The following BCAT2 variants were observed in gnomAD, a reference collection of about 807,000 sequenced individuals.
BCAT2 encodes branched-chain-amino-acid aminotransferase, mitochondrial.
Under a neutral mutation model 52.9 loss-of-function variants are expected in BCAT2, and 44 were observed. The ratio of observed to expected loss-of-function variants is 0.83; its 90% confidence interval spans 0.65 to 1.07. The LOEUF (loss-of-function observed/expected upper bound fraction) is 1.07, where lower values mean the gene tolerates loss of function less well. Ranked by LOEUF, BCAT2 falls within the 50% of genes least tolerant of loss-of-function variation. BCAT2 has a pLI of 0.00. For missense variants in BCAT2, 478 were observed against 521.8 expected, an observed-to-expected ratio of 0.92 and a Z score of 0.82; for synonymous variants, 215 against 217.1, an observed-to-expected ratio of 0.99 and a Z score of 0.08.
chr19:48,805,157 A>C (rs1179177230), intron 3 of BCAT2, among the ~76,000 whole-genome samples: 1 of 152,138 alleles, frequency 6.6e-6, no homozygotes, highest in Non-Finnish European at 1.5e-5. Context: ...ATCTTGTCTC[A>C]ACCAAAGTTT....
chr19:48,797,039 G>A lies in BCAT2; in HGVS notation c.839-17C>T, dbSNP rs778615400. 2.5e-6 allele frequency: 4 copies of A among 1,613,790 alleles called. No homozygotes were observed. Among genetic ancestry groups the A allele is most frequent in the African/African-American group, 2.7e-5 (2 of 74,920 alleles). ...GCTCCAGCACTAGGGCAGGTGTAAG[G>A]GGTGGAAGATGTTACCTCTCACCCC... On this transcript the variant is annotated splice_polypyrimidine_tract_variant and intron_variant, in intron 7 of 10. Coordinates refer to ENST00000316273, the MANE Select transcript of BCAT2 (RefSeq NM_001190.4).
At chr19:48,802,522 A>G (rs1391815600) in intron 3 of BCAT2, among the ~76,000 whole-genome samples, 1 of 132,866 alleles carries the variant, frequency 7.5e-6, no homozygotes, top group Non-Finnish European at 1.5e-5. Context: ...ATCTCGGCTC[A>G]CTGCAACCTC....
rs1568507620 is a variant in BCAT2, at chr19:48,800,170, G to A, written c.411+17C>T. ...CCCCAGCCCTCCTCCCCACCCCGGT[G>A]GACCGGGACCCCTCACCGGCAGGCA... On this transcript the variant is annotated intron_variant, in intron 4 of 10. Transcript: ENST00000316273. 4 of 1,612,882 alleles carry A rather than the reference G, an allele frequency of 2.5e-6. No homozygotes were observed. Among genetic ancestry groups the A allele is most frequent in the Middle Eastern group, 1.7e-4 (1 of 6,056 alleles).
intron 2 of BCAT2, 46 bp from the exon 3 acceptor site, chr19:48,806,763 G>C (rs775850584): frequency 1.3e-6 from 2 of 1,599,514 alleles, no homozygotes. Flanking sequence ...CAACCTCCCA[G>C]CTGAAAAACT....
chr19:48,807,050 CA>C lies in BCAT2; in HGVS notation c.48del (p.Val17SerfsTer25), dbSNP rs1568511252. ...CTGGGACCACACAGAAGCCAAGGGA[CA>C]GAGAGAAGCTTTCGTGCCCAGATCT... Reference protein sequence around the residue: ...LGQIWARKLLSVPWLLCGPRR... With the variant: ...LGQIWARKLLXVPWLLCGPRR... On this transcript the variant is annotated frameshift_variant, in exon 2 of 11. Transcript: ENST00000316273. LOFTEE classifies it high-confidence loss of function. This position sits in a 1 kb window ranked among gnomAD's most constrained non-coding sequence, Gnocchi z 4.6. 2 of 1,613,920 alleles carry C rather than the reference CA, an allele frequency of 1.2e-6. No individual in the cohort carries two copies. The highest frequency in any genetic ancestry group is 1.7e-6 in the Non-Finnish European group (2 of 1,179,926).
At chr19:48,803,860 G>C (rs1177032784) in intron 3 of BCAT2, among the ~76,000 whole-genome samples, 1 of 151,744 alleles carries the variant, frequency 6.6e-6, no homozygotes, top group Non-Finnish European at 1.5e-5. Flanking sequence ...CTGAATTATG[G>C]GCTTTAAAAT....
Position 48,807,305 on chromosome 19 carries a change from G to A in BCAT2, c.25-231C>T, listed in dbSNP as rs576088373. The A allele has an allele frequency of 1.3e-5, 6 of 474,624 alleles. No homozygotes were observed. The highest frequency in any genetic ancestry group is 5.9e-4 in the Middle Eastern group (1 of 1,694). The allele number at this position is 474,624 out of a possible 1,614,324, so 29.4% of individuals were successfully genotyped here. On this transcript the variant is annotated intron_variant, in intron 1 of 10. Transcript: ENST00000316273. This position sits in a 1 kb window ranked among gnomAD's most constrained non-coding sequence, Gnocchi z 4.6. ...GCTCCCGCCCCCTCCTCCATGCTGC[G>A]GCAAAGTCAAACGCAAGCGCCTCCC...
In BCAT2 at chr19:48,799,349, A is replaced by G; in HGVS notation, c.695+326T>C. On this transcript the variant is annotated intron_variant, in intron 6 of 10. Coordinates refer to ENST00000316273, the MANE Select transcript of BCAT2 (RefSeq NM_001190.4). The surrounding 1 kb of genome is among the most constrained non-coding windows in gnomAD (Gnocchi z 5.5). ...GCAGCCCAGCCTGGGGGATCAGGGGAGGCTTCTGGGGCGAGAAGCCAATGA... is the reference window on the plus strand; with the variant it reads ...GCAGCCCAGCCTGGGGGATCAGGGGGGGCTTCTGGGGCGAGAAGCCAATGA... 1 of 251,958 alleles carries G rather than the reference A, an allele frequency of 4.0e-6. No individual in the cohort carries two copies. The highest frequency in any genetic ancestry group is 7.5e-6 in the Non-Finnish European group (1 of 133,214). The allele number at this position is 251,958 out of a possible 1,614,324, so 15.6% of individuals were successfully genotyped here. A position where few individuals can be genotyped will look rare whatever the true frequency, so the allele number is the denominator to read the frequency against.
intron 1 of BCAT2, among the ~76,000 whole-genome samples, chr19:48,809,066 CAAAAAAAAAAAAA>C (rs3057799): frequency 5.7e-3 from 165 of 28,962 alleles, no homozygotes; most frequent in African/African-American, 0.01. Flanking sequence ...GAGTGTCTCT[CAAAAAAAAAAAAA>C]AAAAAAAAAA....
chr19:48,805,085 C>T (rs2034737902), intron 3 of BCAT2, among the ~76,000 whole-genome samples: 1 of 152,128 alleles, frequency 6.6e-6, no homozygotes, highest in Admixed American at 6.5e-5. Context: ...GAACTGTGCC[C>T]TGGAGGACTA....
In BCAT2 at chr19:48,799,707, C is replaced by A; in HGVS notation, c.663G>T (p.Trp221Cys). The stretch of plus-strand genomic sequence containing the variant: ...ACTTGTAGTTGCCGACCCCGCCCAC[C>A]CAGGCCCGGATGAAGGCTGGGTCGG... The part of the protein sequence containing the change: ...LLADPAFIRA[W>C]VGGVGNYKLG... Residue 221 changes from tryptophan (W) to cysteine (C), a missense_variant, in exon 6 of 11, where the codon TGG becomes TGT. Physicochemically the swap from Trp to Cys is radical, Grantham distance 215. Coordinates refer to ENST00000316273, the MANE Select transcript of BCAT2 (RefSeq NM_001190.4). The surrounding 1 kb of genome is among the most constrained non-coding windows in gnomAD (Gnocchi z 5.5). 4 of 1,596,534 alleles carry A rather than the reference C, an allele frequency of 2.5e-6. No homozygotes were observed. The highest frequency in any genetic ancestry group is 1.7e-4 in the Middle Eastern group (1 of 5,900).
chr19:48,810,987 C>A lies in BCAT2; in HGVS notation c.21G>T (p.Gly7=). Residue 7 remains glycine, a synonymous_variant, in exon 1 of 11, where the codon GGG becomes GGT. Transcript: ENST00000316273. MAAAAL[G]QIWARKLLSV... ...CGGCGCGGGGCTGCGAACCCACCTG[C>A]CCCAGAGCGGCTGCGGCCATGATCC... The A allele has an allele frequency of 6.2e-7, 1 of 1,608,454 alleles. No individual in the cohort carries two copies. The highest frequency in any genetic ancestry group is 2.2e-5 in the East Asian group (1 of 44,582).
intron 2 of BCAT2, 119 bp downstream of exon 2, chr19:48,806,881 G>T: frequency 7.1e-7 from 1 of 1,411,372 alleles, no homozygotes; most frequent in Non-Finnish European, 9.9e-7. Context: ...CCCAATGGCA[G>T]GCTGTTAAGC....
Position 48,800,294 on chromosome 19 carries a change from A to T in BCAT2, c.304T>A (p.Phe102Ile). ...SSSLHYSLQL[F>I]EGMKAFKGKD... Reference sequence around the variant, plus strand: ...CCTTTGAACGCCTTCATGCCCTCAAACAGCTGCGGGGACACGCGGGTGGGG... The same window carrying T: ...CCTTTGAACGCCTTCATGCCCTCAATCAGCTGCGGGGACACGCGGGTGGGG... Residue 102 changes from phenylalanine to isoleucine, a missense_variant, in exon 4 of 11, where the codon TTT becomes ATT. Phe to Ile is a conservative substitution (Grantham distance 21). Coordinates refer to ENST00000316273, the MANE Select transcript of BCAT2 (RefSeq NM_001190.4). 6.2e-7 allele frequency: 1 copy of T among 1,613,418 alleles called. No individual in the cohort carries two copies. Among genetic ancestry groups the T allele is most frequent in the South Asian group, 1.1e-5 (1 of 91,084 alleles).
chr19:48,804,681 C>T (rs768565545), intron 3 of BCAT2, among the ~76,000 whole-genome samples: 9 of 152,176 alleles, frequency 5.9e-5, no homozygotes, highest in Non-Finnish European at 1.2e-4. Flanking sequence ...CCCCTGGACC[C>T]GCGGGATCAC....
chr19:48,808,022 T>C (rs1485138120), intron 1 of BCAT2: 4 of 986,512 alleles, frequency 4.1e-6, no homozygotes, highest in Non-Finnish European at 4.8e-6. Context: ...TGGCCTGGCC[T>C]GGCCTGCCCT....
chr19:48,797,806 CTTTTT>C (rs1176039135), intron 6 of BCAT2, among the ~76,000 whole-genome samples: 1 of 140,210 alleles, frequency 7.1e-6, no homozygotes, highest in Non-Finnish European at 1.5e-5. Flanking sequence ...TTCTTTTTTT[CTTTTT>C]TTCTTTTTTT....
intron 8 of BCAT2, 26 bp from the exon 9 acceptor site, chr19:48,796,744 T>C: frequency 6.2e-7 from 1 of 1,604,246 alleles, no homozygotes; most frequent in Non-Finnish European, 8.5e-7. Context: ...CAGAGACACG[T>C]GTCCCCAGAG....
At chr19:48,804,218 GTGT>G (rs1259956804) in intron 3 of BCAT2, among the ~76,000 whole-genome samples, 2 of 152,026 alleles carry the variant, frequency 1.3e-5, no homozygotes, top group Non-Finnish European at 2.9e-5. Context: ...TTGATGCTGT[GTGT>G]TATTATGTAT....
Sources: allele counts gnomAD v4.1 joint callset (sites outside exome capture counted in the v4.1 genomes callset), GRCh38; gene constraint gnomAD v4.1.1; non-coding constraint Gnocchi (gnomAD v3.1); transcripts MANE v1.5; gene names NCBI Gene and HGNC (gene_info 2026-07-23, HGNC 2026-07-21).